The following HNF4G variants were observed in gnomAD, a reference collection of about 807,000 sequenced individuals.
The protein encoded by HNF4G is hepatocyte nuclear factor 4-gamma.
HNF4G carries 21 observed loss-of-function variants against 50.9 expected under a neutral mutation model. The ratio of observed to expected loss-of-function variants is 0.41; its 90% CI spans 0.29 to 0.59. HNF4G has a LOEUF of 0.59. Among genes scored for constraint, HNF4G ranks in the 20% least tolerant of loss-of-function variants. HNF4G has a pLI of 0.26. For synonymous variants in HNF4G, 198 were observed against 185.6 expected (o/e 1.07, Z -0.54); for missense variants, 527 against 559.4 (o/e 0.94, Z 0.58).
intron 1 of HNF4G, among the ~76,000 whole-genome samples, chr8:75,449,664 G>A (rs537380589): frequency 6.6e-4 from 100 of 151,594 alleles, no homozygotes; most frequent in Middle Eastern, 3.4e-3. Flanking sequence ...CCGCCACCAC[G>A]CCAGGCTAAT....
chr8:75,408,948 C>T (rs1477311363), intron 1 of HNF4G, among the ~76,000 whole-genome samples: 3 of 152,228 alleles, frequency 2.0e-5, no homozygotes, highest in African/African-American at 7.2e-5. Context: ...TCCCTTCTCT[C>T]TTTAGAAGCG....
chr8:75,496,245 T>C (rs1812762180), intron 2 of HNF4G, among the ~76,000 whole-genome samples: 1 of 152,120 alleles, frequency 6.6e-6, no homozygotes, highest in South Asian at 2.1e-4. Context: ...TAAAGATAAT[T>C]GGTTTTTAAA....
rs1053204417 is a variant in HNF4G, at chr8:75,425,330, C to T, written c.-144+17168C>T. On this transcript the variant is annotated intron_variant, in intron 1 of 10. Coordinates refer to the HNF4G transcript ENST00000354370. ...AGCTCCCGACCTCAAGTGATCCTCTCGCCTTGGCTTCCCTAAGTGCTAAGA... is the reference window on the plus strand; with the variant it reads ...AGCTCCCGACCTCAAGTGATCCTCTTGCCTTGGCTTCCCTAAGTGCTAAGA... Among the ~76,000 whole-genome samples the T allele has an allele frequency of 2.6e-5, 4 of 151,508 alleles. No homozygotes were observed. The South Asian group carries it at 6.2e-4, about 24-fold the overall frequency.
chr8:75,437,383 C>G (rs1811163728), intron 1 of HNF4G, among the ~76,000 whole-genome samples: 1 of 152,160 alleles, frequency 6.6e-6, no homozygotes, highest in Non-Finnish European at 1.5e-5. Context: ...CTGGCATACA[C>G]TTTAGGCAAA....
chr8:75,512,817 C>G (rs1267514581), intron 2 of HNF4G, among the ~76,000 whole-genome samples: 39 of 152,048 alleles, frequency 2.6e-4, no homozygotes, highest in Admixed American at 2.6e-3. Flanking sequence ...AATAGATTTG[C>G]AAATATTGTC....
intron 1 of HNF4G, among the ~76,000 whole-genome samples, chr8:75,482,550 T>C (rs1585883046): frequency 6.6e-6 from 1 of 152,114 alleles, no homozygotes; most frequent in East Asian, 1.9e-4. Context: ...TATCTTTTTA[T>C]AGAGATGGGG....
chr8:75,414,831 A>G (rs1164699286), intron 1 of HNF4G, among the ~76,000 whole-genome samples: 2 of 152,208 alleles, frequency 1.3e-5, no homozygotes, highest in Admixed American at 1.3e-4. Context: ...GGTTTTGGCT[A>G]TCACAAATAA....
chr8:75,454,873 G>T (rs926090176), intron 1 of HNF4G, among the ~76,000 whole-genome samples: 2 of 152,010 alleles, frequency 1.3e-5, no homozygotes, highest in African/African-American at 4.8e-5. Context: ...CCTAGCCTAT[G>T]GTATCATTAA....
At chr8:75,480,326 G>T (rs919143055) in intron 1 of HNF4G, among the ~76,000 whole-genome samples, 11 of 152,186 alleles carry the variant, frequency 7.2e-5, no homozygotes, top group African/African-American at 2.7e-4. Context: ...CATATTGAGT[G>T]CCCAAAGTGT....
chr8:75,516,199 C>G (rs944830118), intron 2 of HNF4G, among the ~76,000 whole-genome samples: 1 of 152,230 alleles, frequency 6.6e-6, no homozygotes, highest in African/African-American at 2.4e-5. Context: ...ATAAATTAAT[C>G]TTTACACATT....
chr8:75,413,404 C>G (rs2980252), intron 1 of HNF4G, among the ~76,000 whole-genome samples: 71,649 of 143,086 alleles, frequency 0.5, 17,876 homozygotes, highest in Middle Eastern at 0.57. Context: ...GGTGAGAAGA[C>G]ATTAGAATCT....
chr8:75,454,447 T>G (rs1811670286), intron 1 of HNF4G, among the ~76,000 whole-genome samples: 1 of 152,208 alleles, frequency 6.6e-6, no homozygotes, highest in African/African-American at 2.4e-5. Flanking sequence ...TTGAATGGTG[T>G]GTCTGGTACT....
chr8:75,408,800 G>T (rs890507517), intron 1 of HNF4G, among the ~76,000 whole-genome samples: 2 of 152,180 alleles, frequency 1.3e-5, no homozygotes, highest in African/African-American at 4.8e-5. Flanking sequence ...TTTCACTTGC[G>T]GGCAAGGGCA....
intron 2 of HNF4G, among the ~76,000 whole-genome samples, chr8:75,517,826 G>C (rs1273690502): frequency 1.3e-5 from 2 of 152,046 alleles, no homozygotes; most frequent in African/African-American, 2.4e-5. Flanking sequence ...CCCCAGTAGG[G>C]ACCTTGTGTG....
intron 2 of HNF4G, among the ~76,000 whole-genome samples, chr8:75,530,875 C>T (rs149354458): frequency 1.7e-4 from 26 of 149,558 alleles, no homozygotes; most frequent in African/African-American, 6.5e-4. Context: ...TCACTGCAAC[C>T]TCTGCCTCCT....
At chr8:75,471,624 T>G (rs1192221392) in intron 1 of HNF4G, among the ~76,000 whole-genome samples, 2 of 152,180 alleles carry the variant, frequency 1.3e-5, no homozygotes, top group African/African-American at 4.8e-5. Context: ...AATTTCCAAT[T>G]TATCTTTCTT....
At chr8:75,533,844 G>A (rs2130771156) in intron 2 of HNF4G, among the ~76,000 whole-genome samples, 1 of 151,932 alleles carries the variant, frequency 6.6e-6, no homozygotes, top group East Asian at 1.9e-4. Flanking sequence ...ATTTTGAGCA[G>A]TTCTTGACTA....
intron 3 of HNF4G, among the ~76,000 whole-genome samples, chr8:75,550,652 T>C (rs1001377908): frequency 6.6e-6 from 1 of 152,144 alleles, no homozygotes; most frequent in South Asian, 2.1e-4. Flanking sequence ...CTCTTCCTTA[T>C]ATTTAAAAAT....
chr8:75,513,818 T>C (rs558426674), intron 2 of HNF4G, among the ~76,000 whole-genome samples: 13 of 151,762 alleles, frequency 8.6e-5, no homozygotes, highest in African/African-American at 3.1e-4. Flanking sequence ...AAGTGGACTT[T>C]TTATTATATT....
Sources: allele counts gnomAD v4.1 joint callset (sites outside exome capture counted in the v4.1 genomes callset), GRCh38; gene constraint gnomAD v4.1.1; transcripts MANE v1.5; gene names NCBI Gene and HGNC (gene_info 2026-07-23, HGNC 2026-07-21).